CDK6: variants seen among roughly 807,000 people sequenced by gnomAD.
CDK6 encodes the protein cyclin-dependent kinase 6.
A neutral mutation model predicts 37.1 loss-of-function variants in CDK6; 6 were observed. The observed-to-expected ratio is 0.16, with a 90% CI of 0.09 to 0.32. The LOEUF (loss-of-function observed/expected upper bound fraction) is 0.32, where lower values mean the gene tolerates loss of function less well. Among genes scored for constraint, CDK6 ranks in the 10% least tolerant of loss-of-function variants. The pLI, the probability that CDK6 is intolerant of heterozygous loss-of-function variation, is 1.00. For missense variants in CDK6, 224 were observed against 418.9 expected (o/e 0.53, Z 4.06); for synonymous variants, 160 against 161.3 (o/e 0.99, Z 0.06).
At chr7:92,670,117 C>A (rs937083777) in intron 5 of CDK6, among the ~76,000 whole-genome samples, 1 of 152,192 alleles carries the variant, frequency 6.6e-6, no homozygotes, top group Non-Finnish European at 1.5e-5. Flanking sequence ...TGGACTCATA[C>A]CCCTGCTACT....
At chr7:92,729,967 T>C (rs1798604906) in intron 3 of CDK6, among the ~76,000 whole-genome samples, 1 of 152,228 alleles carries the variant, frequency 6.6e-6, no homozygotes, top group Non-Finnish European at 1.5e-5. Flanking sequence ...CTTGAATTCC[T>C]GGCCTCGAGC....
chr7:92,643,446 G>A (rs1470879619), intron 5 of CDK6, among the ~76,000 whole-genome samples: 2 of 151,858 alleles, frequency 1.3e-5, no homozygotes, highest in African/African-American at 2.4e-5. Context: ...TAAGACTGAC[G>A]TGGTCCCTGC....
chr7:92,815,041 G>GTACTCC (rs1800991652), intron 2 of CDK6, among the ~76,000 whole-genome samples: 2 of 152,186 alleles, frequency 1.3e-5, no homozygotes, highest in African/African-American at 4.8e-5. Context: ...GGAGGAAGCA[G>GTACTCC]AAGCTGGACT....
At position 92,771,545 on chromosome 7, in the gene CDK6, A is replaced by T. The variant is rs533838776; in HGVS notation, c.369+3151T>A. Among the ~76,000 whole-genome samples, 8 of 152,272 alleles carry T rather than the reference A, an allele frequency of 5.3e-5. No individual in the cohort carries two copies. The South Asian group carries it at 1.7e-3, about 32-fold the overall frequency. On this transcript the variant is annotated intron_variant, in intron 3 of 7. Transcript: ENST00000424848. Reference sequence around the variant, plus strand: ...AGTAGTCTGTTCTTGACTTGAAAATACCCCTAAACTACTTAAATAACCATA... The same window carrying T: ...AGTAGTCTGTTCTTGACTTGAAAATTCCCCTAAACTACTTAAATAACCATA...
chr7:92,710,804 A>C (rs1798070636), intron 4 of CDK6: 1 of 985,298 alleles, frequency 1.0e-6, no homozygotes, highest in Admixed American at 6.2e-5. Context: ...GAGGGCTGAT[A>C]CTCAGAGGAG....
Position 92,608,839 on chromosome 7 carries a change from G to T in CDK6, c.*6301C>A, listed in dbSNP as rs1398949004. The T allele has an allele frequency of 2.6e-5, 6 of 232,090 alleles. No homozygotes were observed. In the East Asian group the frequency reaches 3.6e-4, roughly 14 times the overall value. The allele number at this position is 232,090 out of a possible 1,614,324, so 14.4% of individuals were successfully genotyped here. ...CAGGTGAGTGGGAGGCGGGGCCCCA[G>T]CCCGGCCTCGCCCACTGCCTCTCTC... On this transcript the variant is annotated 3_prime_UTR_variant, in exon 8 of 8. Coordinates refer to ENST00000424848, the MANE Select transcript of CDK6 (RefSeq NM_001145306.2).
chr7:92,764,956 C>T (rs1799544187), intron 3 of CDK6, among the ~76,000 whole-genome samples: 1 of 151,862 alleles, frequency 6.6e-6, no homozygotes, highest in South Asian at 2.1e-4. Flanking sequence ...TAGAATGGTC[C>T]TTTTTTTCAA....
chr7:92,677,400 T>C (rs576183103), intron 4 of CDK6, among the ~76,000 whole-genome samples: 4 of 152,120 alleles, frequency 2.6e-5, no homozygotes, highest in African/African-American at 4.8e-5. Context: ...GGCGGATCAC[T>C]TGAGGTCAGG....
chr7:92,709,320 A>G (rs1798034700), intron 4 of CDK6, among the ~76,000 whole-genome samples: 1 of 152,110 alleles, frequency 6.6e-6, no homozygotes, highest in Non-Finnish European at 1.5e-5. Flanking sequence ...GTGTGTGAAC[A>G]TGAGCTGATG....
chr7:92,735,262 T>A (rs1010111964), intron 3 of CDK6, among the ~76,000 whole-genome samples: 5 of 152,212 alleles, frequency 3.3e-5, no homozygotes, highest in South Asian at 2.1e-4. Flanking sequence ...TTTTATTTCA[T>A]TTTTTACTTT....
chr7:92,764,505 G>C (rs1282736965), intron 3 of CDK6, among the ~76,000 whole-genome samples: 4 of 152,148 alleles, frequency 2.6e-5, no homozygotes, highest in Non-Finnish European at 2.9e-5. Context: ...ACAGTGCCCA[G>C]ATGCTAAGTC....
chr7:92,616,825 A>G (rs1795691764), intron 7 of CDK6, among the ~76,000 whole-genome samples: 1 of 152,126 alleles, frequency 6.6e-6, no homozygotes, highest in Non-Finnish European at 1.5e-5. Context: ...GAAGGAGAAC[A>G]CCTTAGCCAA....
chr7:92,797,028 G>A (rs563029097), intron 2 of CDK6, among the ~76,000 whole-genome samples: 19 of 152,228 alleles, frequency 1.2e-4, no homozygotes, highest in Non-Finnish European at 2.6e-4. Context: ...ACCCCACATC[G>A]AACAGACTAG....
At chr7:92,637,894 A>G (rs1796209387) in intron 5 of CDK6, among the ~76,000 whole-genome samples, 1 of 152,220 alleles carries the variant, frequency 6.6e-6, no homozygotes, top group African/African-American at 2.4e-5. Flanking sequence ...GCTGAAAGGC[A>G]TTAAAAAAAA....
chr7:92,746,285 G>A (rs979260124), intron 3 of CDK6, among the ~76,000 whole-genome samples: 1 of 152,022 alleles, frequency 6.6e-6, no homozygotes, highest in Non-Finnish European at 1.5e-5. Flanking sequence ...AGTCTCAGTC[G>A]CTGAACATAT....
chr7:92,701,409 C>CT (rs1158011467), intron 4 of CDK6, among the ~76,000 whole-genome samples: 8,523 of 145,992 alleles, frequency 0.058, 312 homozygotes, highest in Non-Finnish European at 0.087. Context: ...AGCTTACACA[C>CT]TTTTTTTTTT....
intron 4 of CDK6, among the ~76,000 whole-genome samples, chr7:92,700,853 A>C (rs571417458): frequency 7.2e-5 from 11 of 152,384 alleles, no homozygotes; most frequent in African/African-American, 2.6e-4. Flanking sequence ...CGAATAGAGA[A>C]GCATGCATGT....
chr7:92,745,919 T>C (rs1350546961), intron 3 of CDK6, among the ~76,000 whole-genome samples: 1 of 152,212 alleles, frequency 6.6e-6, no homozygotes, highest in East Asian at 1.9e-4. Flanking sequence ...AATCTTAGTC[T>C]CTTCCAAAGA....
At chr7:92,746,969 T>TA (rs1041203339) in intron 3 of CDK6, among the ~76,000 whole-genome samples, 6 of 152,094 alleles carry the variant, frequency 3.9e-5, no homozygotes, top group East Asian at 1.9e-4. Flanking sequence ...TTCCTATCTT[T>TA]AAAAAAACAC....
Sources: allele counts gnomAD v4.1 joint callset (sites outside exome capture counted in the v4.1 genomes callset), GRCh38; gene constraint gnomAD v4.1.1; transcripts MANE v1.5; gene names NCBI Gene and HGNC (gene_info 2026-07-23, HGNC 2026-07-21).